EPHB1: variants seen among roughly 807,000 people sequenced by gnomAD.
The protein encoded by EPHB1 is ephrin type-B receptor 1.
In EPHB1, 30 loss-of-function variants were observed where a neutral mutation model predicts 94.4. The observed-to-expected ratio is 0.32, with a 90% CI of 0.24 to 0.43. EPHB1 has a LOEUF of 0.43. EPHB1 is among the 20% of genes least tolerant of loss of function. The pLI is 1.00. For missense variants in EPHB1, 1,055 were observed against 1,308.3 expected (o/e 0.81, Z 2.99); for synonymous variants, 522 against 489.1 (o/e 1.07, Z -0.89).
intron 4 of EPHB1, among the ~76,000 whole-genome samples, chr3:135,115,641 G>C (rs760789305): frequency 6.6e-6 from 1 of 152,018 alleles, no homozygotes. Flanking sequence ...CAAGTGGTAA[G>C]AGCCCTACTG....
At chr3:134,917,912 C>T (rs938762541) in intron 1 of EPHB1, among the ~76,000 whole-genome samples, 2 of 152,200 alleles carry the variant, frequency 1.3e-5, no homozygotes, top group Middle Eastern at 3.2e-3. Flanking sequence ...GGGCATGTCT[C>T]TGTTGACTCA....
chr3:135,046,046 A>G (rs1311715661), intron 3 of EPHB1, among the ~76,000 whole-genome samples: 8 of 152,252 alleles, frequency 5.3e-5, no homozygotes, highest in African/African-American at 9.6e-5. Flanking sequence ...TCTGGAAGCA[A>G]AAGTGAGGCT....
At chr3:134,986,377 G>C (rs1934596085) in intron 3 of EPHB1, among the ~76,000 whole-genome samples, 1 of 152,166 alleles carries the variant, frequency 6.6e-6, no homozygotes, top group African/African-American at 2.4e-5. Context: ...CATAGACAAG[G>C]CTTTCTTAAT....
chr3:134,944,573 G>T (rs981341961), intron 2 of EPHB1, among the ~76,000 whole-genome samples: 1 of 152,154 alleles, frequency 6.6e-6, no homozygotes, highest in Non-Finnish European at 1.5e-5. Flanking sequence ...TTGGTGAGAA[G>T]TTCAATCTCA....
intron 2 of EPHB1, among the ~76,000 whole-genome samples, chr3:134,940,020 G>A (rs915482745): frequency 6.6e-6 from 1 of 152,210 alleles, no homozygotes; most frequent in African/African-American, 2.4e-5. Flanking sequence ...TGGCTCAAGA[G>A]AAGAGAGCCT....
At chr3:134,845,906 T>C (rs1241558068) in intron 1 of EPHB1, among the ~76,000 whole-genome samples, 1 of 152,124 alleles carries the variant, frequency 6.6e-6, no homozygotes, top group Non-Finnish European at 1.5e-5. Context: ...ACCCACACAA[T>C]ACCCCTCTGG....
At chr3:135,041,287 C>T (rs139707978) in intron 3 of EPHB1, among the ~76,000 whole-genome samples, 1 of 152,318 alleles carries the variant, frequency 6.6e-6, no homozygotes, top group East Asian at 1.9e-4. Context: ...TAATGTGGTA[C>T]TCCCTGGAGT....
chr3:134,921,412 G>A (rs1560297731), intron 1 of EPHB1, among the ~76,000 whole-genome samples: 5 of 152,122 alleles, frequency 3.3e-5, no homozygotes, highest in African/African-American at 9.7e-5. Context: ...CCTGTTCCCC[G>A]CATACAGAAA....
rs1383195113 is a variant in EPHB1, at chr3:135,260,165, A to T, written c.*1045A>T. 1 of 233,082 alleles carries T rather than the reference A, an allele frequency of 4.3e-6. No homozygotes were observed. Among genetic ancestry groups the T allele is most frequent in the African/African-American group, 2.2e-5 (1 of 45,338 alleles). The allele number at this position is 233,082 out of a possible 1,614,324, so 14.4% of individuals were successfully genotyped here. A position where few individuals can be genotyped will look rare whatever the true frequency, so the allele number is the denominator to read the frequency against. ...ATTATTCCTGATAACATCTCAAGAA[A>T]AGGAGAAGGAAAGTGTTTCTGGAGA... On this transcript the variant is annotated 3_prime_UTR_variant, in exon 16 of 16. Transcript: ENST00000398015.
intron 3 of EPHB1, among the ~76,000 whole-genome samples, chr3:134,957,605 C>A (rs1933329417): frequency 6.6e-6 from 1 of 152,108 alleles, no homozygotes; most frequent in Non-Finnish European, 1.5e-5. Context: ...CTGATAAAGC[C>A]CGAAAAGGGC....
rs142209172 is a variant in EPHB1, at chr3:135,216,380, G to A, written c.2346+14691G>A. ...AAAAACCTATCAAATCAGCCCTGGA[G>A]ATCCTGAGGATTGGTATGAAGGAGT... On this transcript the variant is annotated intron_variant, in intron 12 of 15. Coordinates refer to ENST00000398015, the MANE Select transcript of EPHB1 (RefSeq NM_004441.5). 3.2e-3 allele frequency among the ~76,000 whole-genome samples: 483 copies of A among 152,226 alleles called. 1 individual carries two copies. The highest frequency in any genetic ancestry group is 9.7e-3 in the African/African-American group (404 of 41,524).
intron 5 of EPHB1, among the ~76,000 whole-genome samples, chr3:135,142,210 G>A (rs1026069157): frequency 4.6e-5 from 7 of 152,202 alleles, no homozygotes; most frequent in African/African-American, 1.2e-4. Flanking sequence ...AATGGAAAAG[G>A]CTTGGCAGTG....
At chr3:135,012,605 G>T (rs935184454) in intron 3 of EPHB1, among the ~76,000 whole-genome samples, 28 of 152,366 alleles carry the variant, frequency 1.8e-4, no homozygotes, top group Non-Finnish European at 3.5e-4. Context: ...AGGCCAGATT[G>T]TGGTTCAAAT....
At chr3:134,862,350 G>A (rs1175287982) in intron 1 of EPHB1, among the ~76,000 whole-genome samples, 1 of 152,004 alleles carries the variant, frequency 6.6e-6, no homozygotes, top group East Asian at 1.9e-4. Context: ...GGGTGCATGG[G>A]TGTCTTTAGT....
intron 1 of EPHB1, among the ~76,000 whole-genome samples, chr3:134,852,915 G>A (rs2037023485): frequency 6.6e-6 from 1 of 152,142 alleles, no homozygotes; most frequent in Admixed American, 6.6e-5. Flanking sequence ...GCCCACTGCT[G>A]TGAGAATGTG....
At chr3:134,891,948 C>T (rs1047910047) in intron 1 of EPHB1, among the ~76,000 whole-genome samples, 2 of 152,194 alleles carry the variant, frequency 1.3e-5, no homozygotes, top group African/African-American at 4.8e-5. Context: ...TAGACTGCAG[C>T]CTCCTACTGT....
chr3:135,095,062 G>A (rs1273719500), intron 3 of EPHB1, among the ~76,000 whole-genome samples: 4 of 152,218 alleles, frequency 2.6e-5, no homozygotes, highest in Non-Finnish European at 5.9e-5. Context: ...TAGTCTCTGA[G>A]TGAGACTCTC....
intron 15 of EPHB1, among the ~76,000 whole-genome samples, chr3:135,257,280 G>A (rs551498962): frequency 1.8e-4 from 27 of 152,324 alleles, no homozygotes; most frequent in Admixed American, 7.2e-4. Flanking sequence ...TCCTTTGGAG[G>A]AGGAGAGGCG....
intron 4 of EPHB1, among the ~76,000 whole-genome samples, chr3:135,119,758 A>G (rs1242597726): frequency 6.6e-6 from 1 of 151,642 alleles, no homozygotes; most frequent in East Asian, 1.9e-4. Context: ...GGGCTTTTAT[A>G]CTTTCTTTTA....
Sources: gnomAD v4.1 joint callset for allele counts (sites outside exome capture counted in the v4.1 genomes callset) on GRCh38, gnomAD v4.1.1 for gene constraint, MANE v1.5 for transcripts, NCBI Gene and HGNC (gene_info 2026-07-23, HGNC 2026-07-21) for gene names.